LUZP2: variants seen among roughly 807,000 people sequenced by gnomAD.
LUZP2 encodes leucine zipper protein 2.
A neutral mutation model predicts 51.6 loss-of-function variants in LUZP2; 52 were observed. The ratio of observed to expected loss-of-function variants is 1.01; its 90% CI spans 0.81 to 1.27. The LOEUF (loss-of-function observed/expected upper bound fraction) is 1.27, where lower values mean the gene tolerates loss of function less well. Among genes scored for constraint, LUZP2 ranks in the 50% most tolerant of loss-of-function variants. The pLI, the probability that LUZP2 is intolerant of heterozygous loss-of-function variation, is 0.00. For synonymous variants in LUZP2, 154 were observed against 137.3 expected (o/e 1.12, Z -0.85); for missense variants, 436 against 395.4 (o/e 1.10, Z -0.87).
At chr11:24,678,128 T>A (rs1417830062) in intron 1 of LUZP2, among the ~76,000 whole-genome samples, 1 of 151,908 alleles carries the variant, frequency 6.6e-6, no homozygotes, top group Non-Finnish European at 1.5e-5. Flanking sequence ...TTGTTGTTTT[T>A]GACTTTTTTT....
At chr11:24,779,562 T>C (rs1257518929) in intron 5 of LUZP2, among the ~76,000 whole-genome samples, 1 of 152,222 alleles carries the variant, frequency 6.6e-6, no homozygotes, top group East Asian at 1.9e-4. Flanking sequence ...AAAGTGTTAA[T>C]TAATGGCTGG....
intron 5 of LUZP2, among the ~76,000 whole-genome samples, chr11:24,874,469 A>C (rs913117030): frequency 6.6e-6 from 1 of 152,292 alleles, no homozygotes; most frequent in South Asian, 2.1e-4. Flanking sequence ...ACATGGTTAC[A>C]TAACTGATTA....
At chr11:25,056,834 C>A (rs1188615902) in intron 10 of LUZP2, among the ~76,000 whole-genome samples, 1 of 152,146 alleles carries the variant, frequency 6.6e-6, no homozygotes, top group Non-Finnish European at 1.5e-5. Context: ...GGCGCCGTGG[C>A]TCATGCCTGT....
intron 5 of LUZP2, among the ~76,000 whole-genome samples, chr11:24,881,507 C>G (rs927060728): frequency 1.3e-5 from 2 of 151,668 alleles, no homozygotes; most frequent in African/African-American, 4.9e-5. Flanking sequence ...GTGACTTTGT[C>G]TACCTGAGAT....
chr11:24,946,250 A>T (rs531211195), intron 7 of LUZP2, among the ~76,000 whole-genome samples: 15 of 152,030 alleles, frequency 9.9e-5, no homozygotes, highest in Non-Finnish European at 1.8e-4. Flanking sequence ...TTTAGATATA[A>T]ATAGTGCCAA....
At chr11:24,732,805 G>C (rs1337955401) in intron 3 of LUZP2, among the ~76,000 whole-genome samples, 1 of 151,696 alleles carries the variant, frequency 6.6e-6, no homozygotes, top group African/African-American at 2.4e-5. Flanking sequence ...CTTACTAGCA[G>C]CCCTTCTAGT....
At chr11:24,724,401 C>T (rs1451726596) in intron 1 of LUZP2, among the ~76,000 whole-genome samples, 1 of 151,964 alleles carries the variant, frequency 6.6e-6, no homozygotes, top group African/African-American at 2.4e-5. Flanking sequence ...AAAACCCTCT[C>T]TCTACTAAGA....
chr11:24,641,361 T>C (rs1855277050), intron 1 of LUZP2, among the ~76,000 whole-genome samples: 1 of 151,856 alleles, frequency 6.6e-6, no homozygotes, highest in Non-Finnish European at 1.5e-5. Flanking sequence ...TTTGCAACTT[T>C]ACCATCTTTG....
At chr11:24,797,290 G>T (rs951312046) in intron 5 of LUZP2, among the ~76,000 whole-genome samples, 25 of 152,056 alleles carry the variant, frequency 1.6e-4, no homozygotes, top group African/African-American at 6.0e-4. Flanking sequence ...TTTATAATTA[G>T]GTTTGATAAT....
intron 7 of LUZP2, among the ~76,000 whole-genome samples, chr11:24,939,571 G>GA (rs1017856138): frequency 2.6e-5 from 4 of 151,830 alleles, no homozygotes; most frequent in Non-Finnish European, 2.9e-5. Context: ...AAAAAAGGGA[G>GA]AAAAAAATCC....
At chr11:24,533,020 T>C (rs1456643570) in intron 1 of LUZP2, among the ~76,000 whole-genome samples, 2 of 151,242 alleles carry the variant, frequency 1.3e-5, no homozygotes, top group African/African-American at 4.8e-5. Flanking sequence ...TATATCTAAC[T>C]TGAAAAATAC....
At chr11:24,851,460 A>G (rs1347094238) in intron 5 of LUZP2, among the ~76,000 whole-genome samples, 1 of 152,170 alleles carries the variant, frequency 6.6e-6, no homozygotes, top group Non-Finnish European at 1.5e-5. Context: ...AGCCGACTTG[A>G]TCGTAGTGGA....
rs1359519818 is a variant in LUZP2 at position 24,722,564 on chromosome 11, C to G, written c.63-6605C>G. On this transcript the variant is annotated intron_variant, in intron 1 of 11. Transcript: ENST00000336930. The stretch of plus-strand genomic sequence containing the variant: ...AAATGAGATTTGGGAGGGGACACAG[C>G]CAAACCATATCAATATTTATATTAT... Among the ~76,000 whole-genome samples, 3 of 152,154 alleles carry G rather than the reference C, an allele frequency of 2.0e-5. No homozygotes were observed. The East Asian group carries it at 5.8e-4, about 29-fold the overall frequency.
intron 5 of LUZP2, among the ~76,000 whole-genome samples, chr11:24,884,829 C>T (rs1299891957): frequency 6.6e-6 from 1 of 152,030 alleles, no homozygotes; most frequent in Non-Finnish European, 1.5e-5. Flanking sequence ...TTGTGAACTC[C>T]TTGAAGAAAT....
chr11:25,074,223 C>G (rs1237190068), intron 10 of LUZP2, among the ~76,000 whole-genome samples: 1 of 152,090 alleles, frequency 6.6e-6, no homozygotes, highest in Non-Finnish European at 1.5e-5. Context: ...ATATTGAGCT[C>G]TATTTCAGCA....
chr11:24,972,148 A>AAAAAAAC (rs1565176317), intron 7 of LUZP2, among the ~76,000 whole-genome samples: 2 of 150,826 alleles, frequency 1.3e-5, no homozygotes, highest in African/African-American at 4.9e-5. Context: ...CGAAAAAAAA[A>AAAAAAAC]AAAAAAAAAA....
intron 5 of LUZP2, among the ~76,000 whole-genome samples, chr11:24,887,987 A>G (rs1283141847): frequency 6.6e-6 from 1 of 152,208 alleles, no homozygotes; most frequent in African/African-American, 2.4e-5. Flanking sequence ...AAATTAATGC[A>G]TGTTTTCAGC....
chr11:24,757,077 C>T (rs1272236025), intron 4 of LUZP2, among the ~76,000 whole-genome samples: 1 of 152,134 alleles, frequency 6.6e-6, no homozygotes, highest in African/African-American at 2.4e-5. Context: ...GCATGTGGCC[C>T]ACCAGGAACA....
intron 7 of LUZP2, 126 bp from the exon 8 acceptor site, chr11:24,976,465 C>T (rs1855882051): frequency 6.1e-6 from 3 of 492,604 alleles, no homozygotes; most frequent in South Asian, 3.3e-5. Flanking sequence ...ATGAATCTTA[C>T]AGGACACTGT....
Sources: gnomAD v4.1 joint callset for allele counts (sites outside exome capture counted in the v4.1 genomes callset) on GRCh38, gnomAD v4.1.1 for gene constraint, MANE v1.5 for transcripts, NCBI Gene and HGNC (gene_info 2026-07-23, HGNC 2026-07-21) for gene names.